Variants in APC observed in about 807,000 individuals in gnomAD.
APC encodes the protein APC regulator of Wnt signaling pathway, also known as adenomatous polyposis coli protein.
In APC, 72 loss-of-function variants were observed where a neutral mutation model predicts 247.0. The observed-to-expected ratio is 0.29, with a 90% CI of 0.24 to 0.35. The LOEUF (loss-of-function observed/expected upper bound fraction) is 0.35, where lower values mean the gene tolerates loss of function less well. Among genes scored for constraint, APC ranks in the 10% least tolerant of loss-of-function variants. APC has a pLI of 1.00. For synonymous variants in APC, 1,254 were observed against 1,162.5 expected (o/e 1.08, Z -1.60); for missense variants, 3,400 against 3,360.7 (o/e 1.01, Z -0.29).
At chr5:112,716,214 C>T (rs560312796) in intron 1 of APC, among the ~76,000 whole-genome samples, 32 of 152,024 alleles carry the variant, frequency 2.1e-4, no homozygotes, top group Non-Finnish European at 4.4e-4. Flanking sequence ...TAAACATTCC[C>T]CTCTAAGCGC....
chr5:112,751,334 A>G lies in APC; in HGVS notation c.-18-3539A>G, dbSNP rs569888884. On this transcript the variant is annotated intron_variant, in intron 1 of 15. Transcript: ENST00000257430. Reference sequence around the variant, plus strand: ...TTGGTTTACTCCCTGCTCTTCTTTCATATTTTCAATTTTTTAAATGTCTAG... The same window carrying G: ...TTGGTTTACTCCCTGCTCTTCTTTCGTATTTTCAATTTTTTAAATGTCTAG... 1.8e-4 allele frequency among the ~76,000 whole-genome samples: 28 copies of G among 152,206 alleles called. No individual in the cohort carries two copies. The South Asian group carries it at 5.4e-3, about 29-fold the overall frequency.
chr5:112,720,089 A>C (rs1189875607), intron 1 of APC, among the ~76,000 whole-genome samples: 1 of 152,190 alleles, frequency 6.6e-6, no homozygotes, highest in South Asian at 2.1e-4. Context: ...AGTCTACATA[A>C]ATTGGTGTTC....
chr5:112,808,560 G>A (rs937943800), intron 8 of APC, among the ~76,000 whole-genome samples: 5 of 151,980 alleles, frequency 3.3e-5, no homozygotes, highest in African/African-American at 9.7e-5. Flanking sequence ...CGATCCTCTC[G>A]AGTAGCTGGT....
chr5:112,744,178 A>G (rs143651340), intron 1 of APC, among the ~76,000 whole-genome samples: 114 of 152,226 alleles, frequency 7.5e-4, no homozygotes, highest in African/African-American at 2.0e-3. Flanking sequence ...AGTTCAACCC[A>G]TAACACTCCC....
chr5:112,760,408 T>C (rs1038533386), intron 2 of APC, among the ~76,000 whole-genome samples: 2 of 152,212 alleles, frequency 1.3e-5, no homozygotes, highest in Non-Finnish European at 2.9e-5. Flanking sequence ...CATGTTACTT[T>C]CATACCACAG....
At position 112,775,709 on chromosome 5, in the gene APC, GAAT is replaced by G. The variant is rs2149615825; in HGVS notation, c.505_507del (p.Ile169del). 6.3e-7 allele frequency: 1 copy of G among 1,593,318 alleles called. No homozygotes were observed. Among genetic ancestry groups the G allele is most frequent in the Non-Finnish European group, 8.6e-7 (1 of 1,168,354 alleles). ...GCTCAACTTCAGAATCTCACTAAAA[GAAT>G]AGATAGTCTTCCTTTAACTGAAAAT... On this transcript the variant is annotated inframe_deletion, in exon 5 of 16. Transcript: ENST00000257430.
Position 112,843,500 on chromosome 5 carries a change from A to G in APC, c.7906A>G (p.Asn2636Asp). 6.2e-7 allele frequency: 1 copy of G among 1,613,944 alleles called. No homozygotes were observed. Among genetic ancestry groups the G allele is most frequent in the Non-Finnish European group, 8.5e-7 (1 of 1,179,826 alleles). ...TSQTVSSGAT[N>D]GAESKTLIYQ... ...TCAGACCGTTTCCTCAGGTGCTACA[A>G]ATGGTGCTGAATCAAAGACTCTAAT... Residue 2636 changes from asparagine (N) to aspartate (D), a missense_variant, in exon 16 of 16, where the codon AAT becomes GAT. Coordinates refer to ENST00000257430, the MANE Select transcript of APC (RefSeq NM_000038.6). This position sits in a 1 kb window ranked among gnomAD's most constrained non-coding sequence, Gnocchi z 4.8.
intron 6 of APC, among the ~76,000 whole-genome samples, chr5:112,789,388 C>A (rs1362870089): frequency 6.6e-6 from 1 of 152,094 alleles, no homozygotes; most frequent in East Asian, 1.9e-4. Flanking sequence ...ATTAGGAATA[C>A]TCAAGGTGTA....
intron 1 of APC, among the ~76,000 whole-genome samples, chr5:112,712,048 G>C (rs1215142895): frequency 6.6e-6 from 1 of 152,164 alleles, no homozygotes; most frequent in Admixed American, 6.5e-5. Flanking sequence ...CAATATCTTT[G>C]TCTAGAGGGA....
At position 112,843,634 on chromosome 5, in the gene APC, C is replaced by T. The variant is rs1202345601; in HGVS notation, c.8040C>T (p.Pro2680=). The T allele has an allele frequency of 6.2e-7, 1 of 1,613,772 alleles. No homozygotes were observed. The highest frequency in any genetic ancestry group is 1.1e-5 in the South Asian group (1 of 91,070). The stretch of plus-strand genomic sequence containing the variant: ...GAAGATCTCCCACAGGTAATACTCC[C>T]CCGGTGATTGACAGTGTTTCAGAAA... ...RSGRSPTGNT[P]PVIDSVSEKA... The change falls in exon 16 of 16, where the codon CCC becomes CCT. Residue 2680 remains proline, a synonymous_variant. Transcript: ENST00000257430. This position sits in a 1 kb window ranked among gnomAD's most constrained non-coding sequence, Gnocchi z 4.8.
At chr5:112,769,050 CTTTTTTTTT>C (rs11379766) in intron 4 of APC, among the ~76,000 whole-genome samples, 1 of 96,824 alleles carries the variant, frequency 1.0e-5, no homozygotes, top group Admixed American at 1.3e-4. Flanking sequence ...TTTTTTTCTT[CTTTTTTTTT>C]TTTTTTTTTT....
At chr5:112,830,154 T>C (rs1299592330) in intron 14 of APC, among the ~76,000 whole-genome samples, 1 of 152,190 alleles carries the variant, frequency 6.6e-6, no homozygotes. Context: ...TGGAAAACCC[T>C]TGAAAATTTA....
rs753336993 is a variant in APC at position 112,775,662 on chromosome 5, A to G, written c.456A>G (p.Glu152=). 1 of 1,608,958 alleles carries G rather than the reference A, an allele frequency of 6.2e-7. No homozygotes were observed. Among genetic ancestry groups the G allele is most frequent in the Non-Finnish European group, 8.5e-7 (1 of 1,177,904 alleles). Residue 152 remains glutamate (E), a synonymous_variant, in exon 5 of 16, where the codon GAA becomes GAG. Coordinates refer to ENST00000257430, the MANE Select transcript of APC (RefSeq NM_000038.6). Reference sequence around the variant, plus strand: ...TTCTTGCTGATCTTGACAAAGAAGAAAAGGAAAAAGACTGGTATTACGCTC... The same window carrying G: ...TTCTTGCTGATCTTGACAAAGAAGAGAAGGAAAAAGACTGGTATTACGCTC... ...SLLLADLDKE[E]KEKDWYYAQL...
At chr5:112,730,057 C>G (rs1431440136) in intron 1 of APC, among the ~76,000 whole-genome samples, 1 of 152,122 alleles carries the variant, frequency 6.6e-6, no homozygotes, top group Non-Finnish European at 1.5e-5. Context: ...AAAGATGTCT[C>G]CTGCATTTAA....
At chr5:112,740,418 A>G (rs1254336655) in intron 1 of APC, among the ~76,000 whole-genome samples, 2 of 151,826 alleles carry the variant, frequency 1.3e-5, no homozygotes, top group Non-Finnish European at 2.9e-5. Flanking sequence ...CACTGCTCTG[A>G]TATGGCCTGA....
rs373494698 is a variant in APC at position 112,780,766 on chromosome 5, C to A, written c.532-24C>A. The A allele has an allele frequency of 4.9e-5, 75 of 1,518,874 alleles. No individual in the cohort carries two copies. The African/African-American group carries it at 8.3e-4, about 17-fold the overall frequency. The allele number at this position is 1,518,874 out of a possible 1,614,324, so 94.1% of individuals were successfully genotyped here. A position where few individuals can be genotyped will look rare whatever the true frequency, so the allele number is the denominator to read the frequency against. ...TTAACGTAAATACAAGATATTGATA[C>A]TTTTTTATTATTTGTGGTTTTAGTT... On this transcript the variant is annotated intron_variant, in intron 5 of 15. Transcript: ENST00000257430.
At chr5:112,834,645 T>G (rs1764668819) in intron 14 of APC, among the ~76,000 whole-genome samples, 1 of 152,170 alleles carries the variant, frequency 6.6e-6, no homozygotes, top group African/African-American at 2.4e-5. Flanking sequence ...ATGTTTTCTT[T>G]TCATAATGCA....
intron 15 of APC, among the ~76,000 whole-genome samples, chr5:112,835,461 G>A (rs180901405): frequency 5.2e-4 from 79 of 152,036 alleles, no homozygotes; most frequent in Non-Finnish European, 9.4e-4. Flanking sequence ...TATTAGTATA[G>A]TATAAAAGAG....
intron 5 of APC, chr5:112,777,784 G>A (rs952417570): frequency 3.9e-6 from 1 of 256,314 alleles, no homozygotes; most frequent in Non-Finnish European, 8.3e-6. Flanking sequence ...AGAAACAGCA[G>A]TTCTCCACTG....
Sources: gnomAD v4.1 joint callset for allele counts (sites outside exome capture counted in the v4.1 genomes callset) on GRCh38, gnomAD v4.1.1 for gene constraint, Gnocchi (gnomAD v3.1) non-coding constraint, MANE v1.5 for transcripts, NCBI Gene and HGNC (gene_info 2026-07-23, HGNC 2026-07-21) for gene names.